Variants in HMBOX1 observed in about 807,000 individuals in gnomAD.
HMBOX1 encodes homeobox-containing protein 1.
In HMBOX1, 14 loss-of-function variants were observed where a neutral mutation model predicts 54.5. That is an observed-to-expected ratio of 0.26 (90% CI 0.17 to 0.40). HMBOX1 has a LOEUF of 0.40. Among genes scored for constraint, HMBOX1 ranks in the 10% least tolerant of loss-of-function variants. The pLI is 1.00. For synonymous variants in HMBOX1, 160 were observed against 181.0 expected (o/e 0.88, Z 0.93); for missense variants, 332 against 514.4 (o/e 0.65, Z 3.43).
chr8:28,917,483 A>G (rs1459823119), intron 1 of HMBOX1, among the ~76,000 whole-genome samples: 2 of 152,160 alleles, frequency 1.3e-5, no homozygotes, highest in Non-Finnish European at 2.9e-5. Context: ...CTACATGACA[A>G]TCACATTGCG....
chr8:28,995,376 A>G (rs989959130), intron 4 of HMBOX1, among the ~76,000 whole-genome samples: 4 of 152,206 alleles, frequency 2.6e-5, no homozygotes, highest in African/African-American at 9.7e-5. Context: ...TGAATAATAT[A>G]TCATTATATG....
intron 1 of HMBOX1, among the ~76,000 whole-genome samples, chr8:28,960,033 G>C (rs1825186110): frequency 6.6e-6 from 1 of 150,428 alleles, no homozygotes; most frequent in South Asian, 2.1e-4. Context: ...CTCTTTATTA[G>C]ACTTTCTGTG....
chr8:28,890,274 G>T (rs962681909), upstream of HMBOX1: 1 of 184,340 alleles, frequency 5.4e-6, no homozygotes, highest in East Asian at 1.5e-4. Context: ...GATGGGCACG[G>T]GGCTTGCCGG....
intron 1 of HMBOX1, among the ~76,000 whole-genome samples, chr8:28,910,702 A>G (rs1815251998): frequency 6.6e-6 from 1 of 152,312 alleles, no homozygotes; most frequent in South Asian, 2.1e-4. Flanking sequence ...GTATTTGCTC[A>G]TCTTATAGTT....
At chr8:28,978,856 AT>A (rs1158420475) in intron 3 of HMBOX1, among the ~76,000 whole-genome samples, 3 of 152,320 alleles carry the variant, frequency 2.0e-5, no homozygotes, top group Non-Finnish European at 2.9e-5. Flanking sequence ...ACAGCCACAA[AT>A]TTTTATTGAC....
intron 2 of HMBOX1, among the ~76,000 whole-genome samples, chr8:28,965,264 CTT>C (rs1826242752): frequency 6.6e-6 from 1 of 152,224 alleles, no homozygotes; most frequent in African/African-American, 2.4e-5. Context: ...CCACACCTAA[CTT>C]ATATCTCCCT....
chr8:28,941,372 C>G (rs1563432751), intron 1 of HMBOX1, among the ~76,000 whole-genome samples: 1 of 152,188 alleles, frequency 6.6e-6, no homozygotes, highest in Non-Finnish European at 1.5e-5. Flanking sequence ...TGGGTCATTA[C>G]ATAATTTTCT....
intron 1 of HMBOX1, among the ~76,000 whole-genome samples, chr8:28,918,272 C>T (rs1347322291): frequency 1.3e-5 from 2 of 152,146 alleles, no homozygotes; most frequent in Non-Finnish European, 2.9e-5. Context: ...GGCGCGATCT[C>T]GGCTCACCAC....
intron 1 of HMBOX1, among the ~76,000 whole-genome samples, chr8:28,907,849 CTTT>C (rs1169064905): frequency 3.5e-5 from 5 of 144,288 alleles, no homozygotes; most frequent in African/African-American, 2.5e-5. Context: ...TTCTTTCTTT[CTTT>C]TTTTTTTTTT....
intron 1 of HMBOX1, among the ~76,000 whole-genome samples, chr8:28,942,504 G>A (rs1821622823): frequency 6.6e-6 from 1 of 152,148 alleles, no homozygotes; most frequent in Non-Finnish European, 1.5e-5. Flanking sequence ...TCCTCCTTGA[G>A]GGAATTAATA....
intron 1 of HMBOX1, among the ~76,000 whole-genome samples, chr8:28,937,599 T>G (rs942635066): frequency 2.6e-5 from 4 of 152,196 alleles, no homozygotes; most frequent in African/African-American, 9.7e-5. Flanking sequence ...AGACTAGAGA[T>G]CTCATCTTTG....
chr8:29,016,470 T>C (rs1835023273), intron 5 of HMBOX1, among the ~76,000 whole-genome samples: 1 of 152,262 alleles, frequency 6.6e-6, no homozygotes, highest in South Asian at 2.1e-4. Flanking sequence ...AGGATGATTG[T>C]GATAATTTTT....
intron 1 of HMBOX1, among the ~76,000 whole-genome samples, chr8:28,924,059 A>C (rs1325772011): frequency 6.6e-6 from 1 of 150,394 alleles, no homozygotes; most frequent in Non-Finnish European, 1.5e-5. Flanking sequence ...CCGATTATGT[A>C]GGTTATTTTT....
intron 4 of HMBOX1, among the ~76,000 whole-genome samples, chr8:29,001,469 G>A (rs1232034099): frequency 2.0e-5 from 3 of 152,194 alleles, no homozygotes; most frequent in African/African-American, 7.2e-5. Flanking sequence ...AGAATTACTT[G>A]TACCTGGGAG....
intron 4 of HMBOX1, among the ~76,000 whole-genome samples, chr8:29,006,887 G>A (rs1420665395): frequency 6.6e-6 from 1 of 152,090 alleles, no homozygotes; most frequent in Non-Finnish European, 1.5e-5. Flanking sequence ...CAAGTTTTCT[G>A]TTTTGAGTAG....
At chr8:28,895,206 G>C (rs867349469) in intron 1 of HMBOX1, among the ~76,000 whole-genome samples, 2 of 152,160 alleles carry the variant, frequency 1.3e-5, no homozygotes, top group Non-Finnish European at 2.9e-5. Flanking sequence ...TCCACATGTG[G>C]TGTATTGAAA....
chr8:29,034,813 C>T (rs1288216706), intron 6 of HMBOX1, among the ~76,000 whole-genome samples: 2 of 152,094 alleles, frequency 1.3e-5, no homozygotes, highest in African/African-American at 2.4e-5. Context: ...GCTGAGATTG[C>T]GCCATTGTAC....
chr8:28,895,136 C>G (rs73669460), intron 1 of HMBOX1, among the ~76,000 whole-genome samples: 1 of 152,240 alleles, frequency 6.6e-6, no homozygotes, highest in African/African-American at 2.4e-5. Flanking sequence ...GACTAAATTC[C>G]ACATGCTGAG....
intron 1 of HMBOX1, among the ~76,000 whole-genome samples, chr8:28,944,518 G>A (rs1822057733): frequency 6.6e-6 from 1 of 152,188 alleles, no homozygotes; most frequent in Non-Finnish European, 1.5e-5. Flanking sequence ...TGTTCTGTGA[G>A]GTACTGGAAG....
Sources: allele counts gnomAD v4.1 joint callset (sites outside exome capture counted in the v4.1 genomes callset), GRCh38; gene constraint gnomAD v4.1.1; transcripts MANE v1.5; gene names NCBI Gene and HGNC (gene_info 2026-07-23, HGNC 2026-07-21).